Variants in BFSP2 observed in about 807,000 individuals in gnomAD.
BFSP2 encodes phakinin.
In BFSP2, 38 loss-of-function variants were observed where a neutral mutation model predicts 44.9. The observed-to-expected ratio is 0.85, with a 90% CI of 0.65 to 1.11. BFSP2 has a LOEUF of 1.11. Among genes scored for constraint, BFSP2 ranks in the 50% least tolerant of loss-of-function variants. The pLI is 0.00. For missense variants in BFSP2, 525 were observed against 533.0 expected, an observed-to-expected ratio of 0.99 and a Z score of 0.15; for synonymous variants, 197 against 209.9, an observed-to-expected ratio of 0.94 and a Z score of 0.53.
rs112492843 is a variant in BFSP2, at chr3:133,413,182, G to A, written c.489+12610G>A. Among the ~76,000 whole-genome samples the A allele has an allele frequency of 8.2e-3, 1,243 of 152,244 alleles. 18 individuals carry two copies. The highest frequency in any genetic ancestry group is 0.029 in the African/African-American group (1,194 of 41,520). Reference sequence around the variant, plus strand: ...GGTTTTACCTTAAATAAAATATGCAGTAATAAATAAAAGTCCTGTCAGTGG... The same window carrying A: ...GGTTTTACCTTAAATAAAATATGCAATAATAAATAAAAGTCCTGTCAGTGG... On this transcript the variant is annotated intron_variant, in intron 1 of 6. Coordinates refer to ENST00000302334, the MANE Select transcript of BFSP2 (RefSeq NM_003571.4).
Position 133,472,460 on chromosome 3 carries a change from A to G in BFSP2, c.1139A>G (p.Glu380Gly). 1 of 1,614,034 alleles carries G rather than the reference A, an allele frequency of 6.2e-7. No homozygotes were observed. The highest frequency in any genetic ancestry group is 8.5e-7 in the Non-Finnish European group (1 of 1,180,032). Residue 380 changes from glutamate (E) to glycine (G), a missense_variant, in exon 6 of 7, where the codon GAG becomes GGG. Transcript: ENST00000302334. ...GCGGAGCTCAGGGAAATCCGAGCGG[A>G]GGCGGAGCAGCAGCAACAGGAGCGC... ...LEAELREIRA[E>G]AEQQQQERAH...
At chr3:133,431,636 C>T (rs959166120) in intron 1 of BFSP2, among the ~76,000 whole-genome samples, 1 of 152,152 alleles carries the variant, frequency 6.6e-6, no homozygotes, top group Non-Finnish European at 1.5e-5. Context: ...CAGACCATCA[C>T]GGACGCCGAG....
At chr3:133,413,880 C>T (rs2073479225) in intron 1 of BFSP2, among the ~76,000 whole-genome samples, 1 of 151,958 alleles carries the variant, frequency 6.6e-6, no homozygotes, top group Non-Finnish European at 1.5e-5. Context: ...AATAACACTA[C>T]AGTGTGGAAG....
chr3:133,423,820 T>TCAAG (rs1454836863), intron 1 of BFSP2, among the ~76,000 whole-genome samples: 3 of 152,128 alleles, frequency 2.0e-5, no homozygotes, highest in African/African-American at 7.2e-5. Flanking sequence ...GTTCTTTGTG[T>TCAAG]CAAGCCCTGG....
At chr3:133,401,041 A>G (rs2073359082) in intron 1 of BFSP2, among the ~76,000 whole-genome samples, 1 of 152,254 alleles carries the variant, frequency 6.6e-6, no homozygotes, top group African/African-American at 2.4e-5. Context: ...TGAGGTGTTA[A>G]GAACAATGAA....
rs745890103 is a variant in BFSP2 at position 133,450,298 on chromosome 3, T to G, written c.730-5T>G. 4 of 1,614,174 alleles carry G rather than the reference T, an allele frequency of 2.5e-6. No homozygotes were observed. In the East Asian group the frequency reaches 8.9e-5, roughly 36 times the overall value. ...CTCATCTAAGATGTATATTGTTGTT[T>G]TCAGGATGTGAAGCTGCTGCACAAA... On this transcript the variant is annotated splice_polypyrimidine_tract_variant and splice_region_variant and intron_variant, in intron 3 of 6. Transcript: ENST00000302334.
rs1181583373 is a variant in BFSP2, at chr3:133,448,729, T to C, written c.729+84T>C. The C allele has an allele frequency of 3.9e-6, 6 of 1,527,578 alleles. No individual in the cohort carries two copies. In the African/African-American group the frequency reaches 8.2e-5, roughly 21 times the overall value. The allele number at this position is 1,527,578 out of a possible 1,614,324, so 94.6% of individuals were successfully genotyped here. On this transcript the variant is annotated intron_variant, in intron 3 of 6. Transcript: ENST00000302334. ...CCTGTGCTTCATAACAAGGCCACAGTAGCTCATTTCTGACTCTCCACATTG... is the reference window on the plus strand; with the variant it reads ...CCTGTGCTTCATAACAAGGCCACAGCAGCTCATTTCTGACTCTCCACATTG...
chr3:133,450,681 TGGA>T (rs1403005448), intron 4 of BFSP2, among the ~76,000 whole-genome samples: 3 of 152,386 alleles, frequency 2.0e-5, no homozygotes, highest in Non-Finnish European at 2.9e-5. Flanking sequence ...GGCAAGTATG[TGGA>T]GAAGTAGGTT....
At chr3:133,450,656 A>G (rs1422735526) in intron 4 of BFSP2, among the ~76,000 whole-genome samples, 192 bp downstream of exon 4, 1 of 152,258 alleles carries the variant, frequency 6.6e-6, no homozygotes, top group African/African-American at 2.4e-5. Context: ...AAATGTTTAA[A>G]ATGGTAAAAA....
chr3:133,474,067 C>A (rs2074191304), intron 6 of BFSP2, among the ~76,000 whole-genome samples: 1 of 152,144 alleles, frequency 6.6e-6, no homozygotes, highest in African/African-American at 2.4e-5. Context: ...GCCATAATTA[C>A]ACACACACAC....
At chr3:133,425,014 C>A (rs974714325) in intron 1 of BFSP2, among the ~76,000 whole-genome samples, 1 of 152,208 alleles carries the variant, frequency 6.6e-6, no homozygotes, top group South Asian at 2.1e-4. Flanking sequence ...AAGGCTACAA[C>A]TCCTTAGCCT....
At position 133,413,936 on chromosome 3, in the gene BFSP2, G is replaced by A. The variant is rs187788829; in HGVS notation, c.489+13364G>A. On this transcript the variant is annotated intron_variant, in intron 1 of 6. Coordinates refer to ENST00000302334, the MANE Select transcript of BFSP2 (RefSeq NM_003571.4). ...AGCAGGCTCTGGGAAAAATTATGCA[G>A]AAGACAAAGTCCCCTGCTGAATGTA... 2.6e-5 allele frequency among the ~76,000 whole-genome samples: 4 copies of A among 151,878 alleles called. No homozygotes were observed. In the East Asian group the frequency reaches 7.7e-4, roughly 29 times the overall value.
chr3:133,464,362 G>A (rs2074090295), intron 4 of BFSP2, among the ~76,000 whole-genome samples: 1 of 152,146 alleles, frequency 6.6e-6, no homozygotes, highest in Admixed American at 6.5e-5. Flanking sequence ...ATAATCTTGA[G>A]CAAATAACTC....
chr3:133,414,601 CCTCTACTTATACCTGCCATCTCGT>C (rs2073492091), intron 1 of BFSP2, among the ~76,000 whole-genome samples: 1 of 128,434 alleles, frequency 7.8e-6, no homozygotes, highest in African/African-American at 3.1e-5. Context: ...TGTCCTCTCC[CCTCTACTTATACCTGCCATCTCGT>C]CTCTACTCAC....
At position 133,450,374 on chromosome 3, in the gene BFSP2, T is replaced by C; in HGVS notation, c.801T>C (p.Gly267=). ...LEQMDAPIGT[G]LDDILETIRI... ...AAATGGATGCTCCCATTGGCACTGG[T>C]CTGGACGACATCCTTGAGACGATCA... Residue 267 remains glycine (G), a synonymous_variant, in exon 4 of 7, where the codon GGT becomes GGC. Coordinates refer to ENST00000302334, the MANE Select transcript of BFSP2 (RefSeq NM_003571.4). The C allele has an allele frequency of 6.2e-7, 1 of 1,614,152 alleles. No homozygotes were observed. Among genetic ancestry groups the C allele is most frequent in the East Asian group, 2.2e-5 (1 of 44,870 alleles).
chr3:133,447,386 G>A lies in BFSP2; in HGVS notation c.559G>A (p.Asp187Asn). The change falls in exon 2 of 7, where the codon GAC (aspartate) becomes AAC (asparagine). Residue 187 changes from aspartate (D) to asparagine (N), a missense_variant. Transcript: ENST00000302334. ...QTETIQAGAD[D>N]FKERYENEQP... is the part of the protein sequence containing the mutation. The stretch of plus-strand genomic sequence containing the variant: ...AGAAACTATCCAGGCCGGAGCAGAT[G>A]ACTTTAAAGAGAGGTAATGTCTTAC... 1 of 1,613,904 alleles carries A rather than the reference G, an allele frequency of 6.2e-7. No individual in the cohort carries two copies. The highest frequency in any genetic ancestry group is 8.5e-7 in the Non-Finnish European group (1 of 1,179,944).
At chr3:133,425,969 ATGGGGGAGG>A (rs2073648624) in intron 1 of BFSP2, among the ~76,000 whole-genome samples, 1 of 534 alleles carries the variant, frequency 1.9e-3, no homozygotes, top group Non-Finnish European at 3.6e-3. Flanking sequence ...GGGGGAGGGG[ATGGGGGAGG>A]GGAAGGCAGG....
intron 6 of BFSP2, among the ~76,000 whole-genome samples, chr3:133,474,470 G>A (rs2107947503): frequency 6.6e-6 from 1 of 152,252 alleles, no homozygotes; most frequent in African/African-American, 2.4e-5. Context: ...GCTTTCAAAT[G>A]GAAAATATGT....
Position 133,400,088 on chromosome 3 carries a change from G to C in BFSP2, c.5G>C (p.Ser2Thr). 1 of 1,614,180 alleles carries C rather than the reference G, an allele frequency of 6.2e-7. No individual in the cohort carries two copies. The highest frequency in any genetic ancestry group is 8.5e-7 in the Non-Finnish European group (1 of 1,180,018). The change falls in exon 1 of 7, where the codon AGT (serine) becomes ACT (threonine). Residue 2 changes from serine (S) to threonine (T), a missense_variant. Transcript: ENST00000302334. The surrounding 1 kb of genome is among the most constrained non-coding windows in gnomAD (Gnocchi z 4.0). ...ACCACAGAGGCAGAAGGGGTGATGAGTGAGAGGCGAGTGGTAGTGGACTTG... is the reference window on the plus strand; with the variant it reads ...ACCACAGAGGCAGAAGGGGTGATGACTGAGAGGCGAGTGGTAGTGGACTTG... M[S>T]ERRVVVDLPT...
Sources: allele counts gnomAD v4.1 joint callset (sites outside exome capture counted in the v4.1 genomes callset), GRCh38; gene constraint gnomAD v4.1.1; non-coding constraint Gnocchi (gnomAD v3.1); transcripts MANE v1.5; gene names NCBI Gene and HGNC (gene_info 2026-07-23, HGNC 2026-07-21).